The following BAG6 variants were observed in gnomAD, a reference collection of about 807,000 sequenced individuals.
BAG6 encodes large proline-rich protein BAG6.
Under a neutral mutation model 121.0 loss-of-function variants are expected in BAG6, and 22 were observed. That is an observed-to-expected ratio of 0.18 (90% CI 0.13 to 0.26). The LOEUF is 0.26. BAG6 is among the 10% of genes least tolerant of loss of function. BAG6 has a pLI of 1.00. For missense variants in BAG6, 1,233 were observed against 1,537.7 expected (o/e 0.80, Z 3.31); for synonymous variants, 583 against 584.6 (o/e 1.00, Z 0.04).
At position 31,641,441 on chromosome 6, in the gene BAG6, C is replaced by G. The variant is rs370336919; in HGVS notation, c.2560-19G>C. ...CCAAGGACTGAGAGACAAGATAACA[C>G]AAAGATCCCAAAATCAAGAATCATA... is the stretch of plus-strand genomic sequence containing the variant. On this transcript the variant is annotated intron_variant, in intron 18 of 25. Coordinates refer to ENST00000676615, the MANE Select transcript of BAG6 (RefSeq NM_001387994.1). The surrounding 1 kb of genome is among the most constrained non-coding windows in gnomAD (Gnocchi z 5.7). 6.2e-7 allele frequency: 1 copy of G among 1,614,040 alleles called. No homozygotes were observed. Among genetic ancestry groups the G allele is most frequent in the Non-Finnish European group, 8.5e-7 (1 of 1,180,004 alleles).
At chr6:31,648,879 C>A (rs1286062885) in intron 5 of BAG6, 32 bp downstream of exon 5, 1 of 1,558,850 alleles carries the variant, frequency 6.4e-7, no homozygotes. Flanking sequence ...CTCCCAGATC[C>A]CCTTCCCTGA....
Position 31,644,066 on chromosome 6 carries a change from C to G in BAG6, c.1668+16G>C, listed in dbSNP as rs748229881. ...CCTAGACTGTTACGCACTAGAACTC[C>G]CCGACCCTTGCTCACCAGTGTCCCA... On this transcript the variant is annotated intron_variant, in intron 13 of 25. Transcript: ENST00000676615. This position sits in a 1 kb window ranked among gnomAD's most constrained non-coding sequence, Gnocchi z 4.9. 3 of 1,613,086 alleles carry G rather than the reference C, an allele frequency of 1.9e-6. No homozygotes were observed. In the Admixed American group the frequency reaches 5.0e-5, roughly 27 times the overall value.
chr6:31,641,729 A>G lies in BAG6; in HGVS notation c.2505+47T>C. ...AGAGAAGCAGTCAGAAATAAGGAAT[A>G]AAATGTGCAAAAGAGGAGAGTTCTG... On this transcript the variant is annotated intron_variant, in intron 17 of 25. Transcript: ENST00000676615. The surrounding 1 kb of genome is among the most constrained non-coding windows in gnomAD (Gnocchi z 5.7). 6.2e-7 allele frequency: 1 copy of G among 1,611,968 alleles called. No individual in the cohort carries two copies. Among genetic ancestry groups the G allele is most frequent in the Non-Finnish European group, 8.5e-7 (1 of 1,178,500 alleles).
chr6:31,641,750 T>C lies in BAG6; in HGVS notation c.2505+26A>G. 2 of 1,612,150 alleles carry C rather than the reference T, an allele frequency of 1.2e-6. No homozygotes were observed. Among genetic ancestry groups the C allele is most frequent in the Non-Finnish European group, 1.7e-6 (2 of 1,179,236 alleles). ...GAATAAAATGTGCAAAAGAGGAGAG[T>C]TCTGGGGCCCCTGGCCTTCATTTAC... On this transcript the variant is annotated intron_variant, in intron 17 of 25. Coordinates refer to ENST00000676615, the MANE Select transcript of BAG6 (RefSeq NM_001387994.1). This position sits in a 1 kb window ranked among gnomAD's most constrained non-coding sequence, Gnocchi z 5.7.
rs757972201 is a variant in BAG6 at position 31,651,668 on chromosome 6, A to G, written c.96T>C (p.Ile32=). Residue 32 remains isoleucine (I), a synonymous_variant, in exon 2 of 26, where the codon ATT becomes ATC. Transcript: ENST00000676615. ...KTLDSQTRTF[I]VGAQMNVKEF... ...TGAGGTGTCTCACCTGGGCCCCCAC[A>G]ATAAAGGTACGAGTTTGAGAGTCCA... 1 of 1,613,086 alleles carries G rather than the reference A, an allele frequency of 6.2e-7. No individual in the cohort carries two copies. The highest frequency in any genetic ancestry group is 1.7e-5 in the Admixed American group (1 of 60,030).
At chr6:31,643,743 A>AAAAAAAAAAAAAAAC (rs1785493146) in intron 14 of BAG6, 147 bp downstream of exon 14, 1 of 627,254 alleles carries the variant, frequency 1.6e-6, no homozygotes, top group Non-Finnish European at 2.6e-6. Flanking sequence ...AAAAAAAAAA[A>AAAAAAAAAAAAAAAC]AAAGCTGAAA....
In BAG6 at chr6:31,640,453, C is replaced by G. The variant is rs1033581079; in HGVS notation, c.3070G>C (p.Gly1024Arg). The change falls in exon 23 of 26, where the codon GGG becomes CGG. Residue 1024 changes from glycine (G) to arginine (R), a missense_variant. By Grantham distance (125) the Gly-to-Arg change is moderately radical. Transcript: ENST00000676615. This position sits in a 1 kb window ranked among gnomAD's most constrained non-coding sequence, Gnocchi z 4.2. ...MSRGPPPAPE[G>R]GSRDEQDGAS... is the part of the protein sequence containing the mutation. ...CCATCCTGTTCATCCCGGGAGCCCCCCTCAGGAGCAGGAGGTGGACCTCGG... is the reference window on the plus strand; with the variant it reads ...CCATCCTGTTCATCCCGGGAGCCCCGCTCAGGAGCAGGAGGTGGACCTCGG... The G allele has an allele frequency of 1.2e-5, 19 of 1,613,464 alleles. No individual in the cohort carries two copies. Among genetic ancestry groups the G allele is most frequent in the Middle Eastern group, 1.6e-4 (1 of 6,084 alleles).
At position 31,651,659 on chromosome 6, in the gene BAG6, G is replaced by T. The variant is rs1475028115; in HGVS notation, c.105C>A (p.Ala35=). The change falls in exon 2 of 26, where the codon GCC becomes GCA. Residue 35 remains alanine, a synonymous_variant. Coordinates refer to ENST00000676615, the MANE Select transcript of BAG6 (RefSeq NM_001387994.1). ...CAGAACTAGTGAGGTGTCTCACCTG[G>T]GCCCCCACAATAAAGGTACGAGTTT... is the stretch of plus-strand genomic sequence containing the variant. ...DSQTRTFIVG[A]QMNVKEFKEH... is the part of the protein sequence containing the mutation. The T allele has an allele frequency of 1.2e-6, 2 of 1,612,928 alleles. No homozygotes were observed. The highest frequency in any genetic ancestry group is 1.7e-6 in the Non-Finnish European group (2 of 1,179,930).
At chr6:31,642,502 G>C in intron 15 of BAG6, 99 bp from the exon 16 acceptor site, 2 of 657,982 alleles carry the variant, frequency 3.0e-6, no homozygotes, top group Admixed American at 2.7e-5. Context: ...ACGGGTCTGG[G>C]AAGATGGGGA....
Position 31,642,335 on chromosome 6 carries a change from G to T in BAG6, c.2112C>A (p.Thr704=), listed in dbSNP as rs542084968. The T allele has an allele frequency of 2.6e-6, 4 of 1,525,464 alleles. No individual in the cohort carries two copies. The highest frequency in any genetic ancestry group is 3.5e-6 in the Non-Finnish European group (4 of 1,133,458). The allele number at this position is 1,525,464 out of a possible 1,614,324, so 94.5% of individuals were successfully genotyped here. ...CAGAAGGGGAGCCTGGTGGGGGCATGGTCTGCTGCTCTGGGGCAGGTGGTG... is the reference window on the plus strand; with the variant it reads ...CAGAAGGGGAGCCTGGTGGGGGCATTGTCTGCTGCTCTGGGGCAGGTGGTG... ...PPPPPAPEQQ[T]MPPPGSPSGG... Residue 704 remains threonine, a synonymous_variant, in exon 16 of 26, where the codon ACC becomes ACA. Transcript: ENST00000676615.
At position 31,644,097 on chromosome 6, in the gene BAG6, T is replaced by G; in HGVS notation, c.1653A>C (p.Pro551=). The G allele has an allele frequency of 2.5e-6, 4 of 1,613,780 alleles. No individual in the cohort carries two copies. Among genetic ancestry groups the G allele is most frequent in the Non-Finnish European group, 3.4e-6 (4 of 1,179,806 alleles). Residue 551 remains proline, a synonymous_variant, in exon 13 of 26, where the codon CCA becomes CCC. Transcript: ENST00000676615. This position sits in a 1 kb window ranked among gnomAD's most constrained non-coding sequence, Gnocchi z 4.9. ...CCTTGCTCACCAGTGTCCCAGAGAC[T>G]GGGGGCCCTCCAGGATGGGAAGGCC... The part of the protein sequence containing the change: ...QARPSHPGGP[P]VSGTLQGAGL...
At chr6:31,639,252 G>T (rs1223651643) in intron 25 of BAG6, 26 bp from the exon 26 acceptor site, 8 of 1,599,562 alleles carry the variant, frequency 5.0e-6, no homozygotes, top group Non-Finnish European at 6.8e-6. Flanking sequence ...AAGCAGGTTG[G>T]AGAAACGCTG....
At chr6:31,648,258 C>T (rs1743073029) in intron 6 of BAG6, among the ~76,000 whole-genome samples, 2 of 152,210 alleles carry the variant, frequency 1.3e-5, no homozygotes, top group African/African-American at 4.8e-5. Flanking sequence ...ACACGTTATC[C>T]CCCTGCCATG....
rs745870392 is a variant in BAG6 at position 31,644,218 on chromosome 6, C to T, written c.1556-24G>A. 1.2e-6 allele frequency: 2 copies of T among 1,603,772 alleles called. No individual in the cohort carries two copies. The highest frequency in any genetic ancestry group is 1.7e-6 in the Non-Finnish European group (2 of 1,175,528). On this transcript the variant is annotated intron_variant, in intron 12 of 25. Coordinates refer to ENST00000676615, the MANE Select transcript of BAG6 (RefSeq NM_001387994.1). The surrounding 1 kb of genome is among the most constrained non-coding windows in gnomAD (Gnocchi z 4.9). ...TCCTGTGGGTGGCAGAAGAGACAGA[C>T]CGAAGAGGGCTGAGGGCCAGGCCCT...
chr6:31,640,336 C>T lies in BAG6; in HGVS notation c.3139-30G>A. 6.2e-7 allele frequency: 1 copy of T among 1,614,180 alleles called. No homozygotes were observed. Among genetic ancestry groups the T allele is most frequent in the Non-Finnish European group, 8.5e-7 (1 of 1,180,030 alleles). On this transcript the variant is annotated intron_variant, in intron 23 of 25. Transcript: ENST00000676615. This position sits in a 1 kb window ranked among gnomAD's most constrained non-coding sequence, Gnocchi z 4.2. ...GGAGGAAAAGAGAAAATAGTAATGT[C>T]CTTGACTTTCAGCTGCCATGACCCA...
At chr6:31,652,320 A>AACACATACACACAC (rs1554157167) in intron 1 of BAG6, 104 bp downstream of exon 1, 4 of 121,718 alleles carry the variant, frequency 3.3e-5, no homozygotes, top group Non-Finnish European at 5.3e-5. Flanking sequence ...CCCACAGCCA[A>AACACATACACACAC]ACACACACAC....
At position 31,644,616 on chromosome 6, in the gene BAG6, C is replaced by T; in HGVS notation, c.1370-14G>A. 1 of 1,612,086 alleles carries T rather than the reference C, an allele frequency of 6.2e-7. No homozygotes were observed. The highest frequency in any genetic ancestry group is 8.5e-7 in the Non-Finnish European group (1 of 1,179,576). ...GTGTGCCAGAATCTGGGCAGGGAGA[C>T]AGAGACAGTGGCCCTGAGGTAGGTA... On this transcript the variant is annotated splice_polypyrimidine_tract_variant and intron_variant, in intron 10 of 25. Transcript: ENST00000676615. This position sits in a 1 kb window ranked among gnomAD's most constrained non-coding sequence, Gnocchi z 4.9.
chr6:31,642,063 C>G, intron 16 of BAG6, 49 bp downstream of exon 16: 1 of 1,598,218 alleles, frequency 6.3e-7, no homozygotes, highest in Non-Finnish European at 8.5e-7. Context: ...CATCTACATT[C>G]CTCTGGCTGC....
chr6:31,646,641 C>G (rs1666291055), intron 7 of BAG6, 118 bp from the exon 8 acceptor site: 1 of 1,311,676 alleles, frequency 7.6e-7, no homozygotes, highest in Non-Finnish European at 1.0e-6. Flanking sequence ...TGGCCCAATC[C>G]TTCTCTGGAC....
Sources: allele counts gnomAD v4.1 joint callset (sites outside exome capture counted in the v4.1 genomes callset), GRCh38; gene constraint gnomAD v4.1.1; non-coding constraint Gnocchi (gnomAD v3.1); transcripts MANE v1.5; gene names NCBI Gene and HGNC (gene_info 2026-07-23, HGNC 2026-07-21).